Variants in PTPRM observed in about 807,000 individuals in gnomAD.
PTPRM encodes protein tyrosine phosphatase receptor type M.
In PTPRM, 47 loss-of-function variants were observed where a neutral mutation model predicts 186.7. The ratio of observed to expected loss-of-function variants is 0.25; its 90% CI spans 0.20 to 0.32. The LOEUF (loss-of-function observed/expected upper bound fraction) is 0.32. Ranked by LOEUF, PTPRM falls within the 10% of genes least tolerant of loss-of-function variation. PTPRM has a pLI of 1.00. For missense variants in PTPRM, 1,494 were observed against 1,865.0 expected, an observed-to-expected ratio of 0.80 and a Z score of 3.66; for synonymous variants, 668 against 674.9, an observed-to-expected ratio of 0.99 and a Z score of 0.16.
At chr18:7,619,758 G>A (rs1429159391) in intron 1 of PTPRM, among the ~76,000 whole-genome samples, 1 of 152,086 alleles carries the variant, frequency 6.6e-6, no homozygotes, top group Non-Finnish European at 1.5e-5. Context: ...ACAAATATTC[G>A]GACTCTCCTC....
chr18:8,396,289 G>A (rs182708121), intron 32 of PTPRM, among the ~76,000 whole-genome samples: 1 of 152,336 alleles, frequency 6.6e-6, no homozygotes, highest in East Asian at 1.9e-4. Flanking sequence ...GGCTTTGTGA[G>A]GTGGTTAACC....
intron 1 of PTPRM, among the ~76,000 whole-genome samples, chr18:7,688,017 C>T (rs925623598): frequency 6.6e-6 from 1 of 152,062 alleles, no homozygotes; most frequent in Non-Finnish European, 1.5e-5. Context: ...ACTTTGTGAT[C>T]CGCCCGTCTC....
At chr18:8,069,109 C>CAAA (rs71165767) in intron 7 of PTPRM, among the ~76,000 whole-genome samples, 25 of 78,600 alleles carry the variant, frequency 3.2e-4, no homozygotes, top group Admixed American at 5.0e-4. Flanking sequence ...GACTCCGTCT[C>CAAA]AAAAAAAAAA....
intron 13 of PTPRM, among the ~76,000 whole-genome samples, chr18:8,135,575 A>G (rs1342026725): frequency 6.6e-6 from 1 of 152,138 alleles, no homozygotes; most frequent in Non-Finnish European, 1.5e-5. Context: ...ACTTCCTATA[A>G]TTGGAGACCC....
At chr18:8,150,370 G>C (rs2092977530) in intron 14 of PTPRM, among the ~76,000 whole-genome samples, 1 of 151,798 alleles carries the variant, frequency 6.6e-6, no homozygotes, top group Admixed American at 6.6e-5. Flanking sequence ...CTCTAATCTT[G>C]TCTTCTCACT....
At chr18:8,353,948 A>G (rs2095549525) in intron 23 of PTPRM, among the ~76,000 whole-genome samples, 1 of 152,216 alleles carries the variant, frequency 6.6e-6, no homozygotes, top group Non-Finnish European at 1.5e-5. Flanking sequence ...GCAGTGGCTC[A>G]CACCTGTAAT....
chr18:8,339,179 G>GAA (rs531659455), intron 22 of PTPRM, among the ~76,000 whole-genome samples: 3 of 141,226 alleles, frequency 2.1e-5, no homozygotes, highest in African/African-American at 2.6e-5. Context: ...GTTTTTTATT[G>GAA]AAAAAAAAAA....
At chr18:7,954,254 G>C (rs912798286) in intron 6 of PTPRM, among the ~76,000 whole-genome samples, 1 of 152,178 alleles carries the variant, frequency 6.6e-6, no homozygotes, top group South Asian at 2.1e-4. Context: ...GTTGTAAAGT[G>C]TGTTTGCTAG....
At chr18:8,303,851 G>A (rs1351144356) in intron 20 of PTPRM, among the ~76,000 whole-genome samples, 3 of 152,254 alleles carry the variant, frequency 2.0e-5, no homozygotes, top group Admixed American at 6.5e-5. Flanking sequence ...ATCTCCACCG[G>A]GTAAGGCGCC....
At chr18:7,815,705 T>C (rs1373423814) in intron 2 of PTPRM, 1 of 151,920 alleles carries the variant, frequency 6.6e-6, no homozygotes, top group Non-Finnish European at 1.5e-5. Context: ...GCCCTGTCTT[T>C]AAAAAAATAT....
chr18:8,094,325 A>G (rs1478416598), intron 11 of PTPRM, among the ~76,000 whole-genome samples: 2 of 151,906 alleles, frequency 1.3e-5, no homozygotes, highest in African/African-American at 4.8e-5. Context: ...GTGAGCTGTG[A>G]TTATGCACTC....
chr18:7,698,980 G>A (rs1420269512), intron 1 of PTPRM, among the ~76,000 whole-genome samples: 1 of 152,184 alleles, frequency 6.6e-6, no homozygotes, highest in Non-Finnish European at 1.5e-5. Flanking sequence ...ACCAGTACCA[G>A]TCCTTGGCCT....
chr18:8,338,372 T>TAAAA (rs5823000), intron 22 of PTPRM, among the ~76,000 whole-genome samples: 27,670 of 147,976 alleles, frequency 0.19, 3,154 homozygotes, highest in Non-Finnish European at 0.26. Flanking sequence ...TTGTAATGCT[T>TAAAA]AAAAAAAAAA....
intron 14 of PTPRM, among the ~76,000 whole-genome samples, chr18:8,147,529 G>A (rs1389752662): frequency 6.6e-6 from 1 of 152,202 alleles, no homozygotes; most frequent in African/African-American, 2.4e-5. Flanking sequence ...TTACTTATCA[G>A]CTTAAGGAGG....
intron 1 of PTPRM, among the ~76,000 whole-genome samples, chr18:7,697,361 T>G (rs2039867448): frequency 6.6e-6 from 1 of 152,188 alleles, no homozygotes; most frequent in Admixed American, 6.5e-5. Flanking sequence ...TCTTGAATTC[T>G]TTTTTTATGT....
chr18:8,003,326 G>A (rs1017483654), intron 7 of PTPRM, among the ~76,000 whole-genome samples: 2 of 152,186 alleles, frequency 1.3e-5, no homozygotes, highest in African/African-American at 4.8e-5. Flanking sequence ...CACCATGATT[G>A]TGAGGCCTCC....
intron 19 of PTPRM, among the ~76,000 whole-genome samples, chr18:8,291,746 T>C (rs1047584389): frequency 2.0e-5 from 3 of 151,904 alleles, no homozygotes; most frequent in East Asian, 1.9e-4. Context: ...AGGAACATAA[T>C]AGAATAATTG....
In PTPRM at chr18:8,114,776, C is replaced by T. The variant is rs147362909; in HGVS notation, c.2131-15C>T. The T allele has an allele frequency of 0.015, 23,893 of 1,597,764 alleles. 277 individuals are homozygous for T. The highest frequency in any genetic ancestry group is 0.029 in the Middle Eastern group (175 of 5,938). On this transcript the variant is annotated splice_polypyrimidine_tract_variant and intron_variant, in intron 12 of 32. Transcript: ENST00000580170. ...AACATGAATAATGATTTTTCCCTCT[C>T]TTTATTTGACACAGGAAACCAAAAT...
intron 3 of PTPRM, among the ~76,000 whole-genome samples, chr18:7,894,710 C>G (rs950178493): frequency 6.6e-6 from 1 of 151,840 alleles, no homozygotes; most frequent in African/African-American, 2.4e-5. Context: ...CCAAGTGATG[C>G]ATTCTCAGGC....
Sources: allele counts gnomAD v4.1 joint callset (sites outside exome capture counted in the v4.1 genomes callset), GRCh38; gene constraint gnomAD v4.1.1; transcripts MANE v1.5; gene names NCBI Gene and HGNC (gene_info 2026-07-23, HGNC 2026-07-21).